PARD3: variants seen among roughly 807,000 people sequenced by gnomAD.
PARD3 encodes par-3 family cell polarity regulator.
In PARD3, 75 loss-of-function variants were observed where a neutral mutation model predicts 155.4. The ratio of observed to expected loss-of-function variants is 0.48; its 90% CI spans 0.40 to 0.58. The LOEUF (loss-of-function observed/expected upper bound fraction) is 0.58. Among genes scored for constraint, PARD3 ranks in the 20% least tolerant of loss-of-function variants. The pLI is 0.00. For missense variants in PARD3, 1,642 were observed against 1,721.7 expected (o/e 0.95, Z 0.82); for synonymous variants, 576 against 610.5 (o/e 0.94, Z 0.83).
chr10:34,720,305 G>A (rs760537276), intron 1 of PARD3, among the ~76,000 whole-genome samples: 2 of 151,946 alleles, frequency 1.3e-5, no homozygotes, highest in African/African-American at 4.8e-5. Context: ...TGTGGTGGTG[G>A]GTGCCTGTAA....
intron 1 of PARD3, among the ~76,000 whole-genome samples, chr10:34,797,494 T>C (rs1842400422): frequency 6.6e-6 from 1 of 152,206 alleles, no homozygotes; most frequent in South Asian, 2.1e-4. Context: ...CCTTACCTAC[T>C]TTGTGAAAGT....
chr10:34,246,617 C>A (rs1953964906), intron 22 of PARD3, among the ~76,000 whole-genome samples: 2 of 151,786 alleles, frequency 1.3e-5, no homozygotes, highest in Admixed American at 1.3e-4. Flanking sequence ...CTTTGATTCC[C>A]ACCCTGGGCA....
At chr10:34,311,144 C>T (rs1227136217) in intron 20 of PARD3, among the ~76,000 whole-genome samples, 3 of 152,114 alleles carry the variant, frequency 2.0e-5, no homozygotes, top group Non-Finnish European at 2.9e-5. Flanking sequence ...TGGGCGGGGG[C>T]GAGGGTAGAA....
intron 18 of PARD3, among the ~76,000 whole-genome samples, chr10:34,334,557 A>G (rs780149934): frequency 4.6e-5 from 7 of 151,906 alleles, no homozygotes; most frequent in South Asian, 4.1e-4. Context: ...CGAAAGAAAA[A>G]TAAGTGAAAA....
At chr10:34,468,115 A>G (rs2133050662) in intron 4 of PARD3, among the ~76,000 whole-genome samples, 1 of 152,220 alleles carries the variant, frequency 6.6e-6, no homozygotes, top group Non-Finnish European at 1.5e-5. Context: ...GGAGGAGTTC[A>G]GGCCCCTGGA....
chr10:34,601,156 C>T (rs1170558210), intron 2 of PARD3, among the ~76,000 whole-genome samples: 1 of 151,236 alleles, frequency 6.6e-6, no homozygotes, highest in Non-Finnish European at 1.5e-5. Context: ...CACAGCGGCT[C>T]ACCCTTGTAA....
At chr10:34,552,037 G>A (rs2084621152) in intron 2 of PARD3, among the ~76,000 whole-genome samples, 1 of 152,172 alleles carries the variant, frequency 6.6e-6, no homozygotes, top group African/African-American at 2.4e-5. Context: ...TGTGTTTTAG[G>A]CAGTAGCATC....
chr10:34,636,723 A>T (rs1384500137), intron 2 of PARD3, among the ~76,000 whole-genome samples: 3 of 152,172 alleles, frequency 2.0e-5, no homozygotes, highest in Non-Finnish European at 4.4e-5. Context: ...GCTCTAGGGG[A>T]GGATTCATGC....
intron 14 of PARD3, among the ~76,000 whole-genome samples, chr10:34,348,936 T>C (rs1837713502): frequency 6.6e-6 from 1 of 152,230 alleles, no homozygotes; most frequent in Non-Finnish European, 1.5e-5. Flanking sequence ...AGTCATATTT[T>C]ACATAAAAAT....
At chr10:34,115,954 C>T (rs898294305) in intron 24 of PARD3, among the ~76,000 whole-genome samples, 5 of 152,236 alleles carry the variant, frequency 3.3e-5, no homozygotes, top group Admixed American at 2.6e-4. Context: ...CCTTGTGATC[C>T]GCCTGCCTCG....
At chr10:34,580,443 G>C (rs187994320) in intron 2 of PARD3, among the ~76,000 whole-genome samples, 12 of 152,330 alleles carry the variant, frequency 7.9e-5, no homozygotes, top group South Asian at 2.1e-4. Flanking sequence ...GCTGAGGTGG[G>C]AGGGTCACTG....
At chr10:34,552,777 C>A (rs1160972445) in intron 2 of PARD3, among the ~76,000 whole-genome samples, 1 of 151,870 alleles carries the variant, frequency 6.6e-6, no homozygotes, top group African/African-American at 2.4e-5. Flanking sequence ...TGCCTATGAC[C>A]ATGACTAATT....
At chr10:34,636,262 C>A (rs2092470596) in intron 2 of PARD3, among the ~76,000 whole-genome samples, 1 of 152,176 alleles carries the variant, frequency 6.6e-6, no homozygotes, top group Admixed American at 6.5e-5. Context: ...CCCTCCCCTG[C>A]AATCCACGGA....
chr10:34,717,983 G>A (rs2094545494), intron 1 of PARD3, among the ~76,000 whole-genome samples: 1 of 149,486 alleles, frequency 6.7e-6, no homozygotes, highest in Non-Finnish European at 1.5e-5. Context: ...GTAAAGCCCT[G>A]TCTCTACTAA....
chr10:34,382,122 C>T (rs1841927552), intron 9 of PARD3, among the ~76,000 whole-genome samples: 1 of 151,998 alleles, frequency 6.6e-6, no homozygotes, highest in Non-Finnish European at 1.5e-5. Flanking sequence ...ACGTGCACTA[C>T]CTCTAAAGTC....
At chr10:34,650,413 C>T (rs1406446575) in intron 2 of PARD3, among the ~76,000 whole-genome samples, 3 of 152,208 alleles carry the variant, frequency 2.0e-5, no homozygotes, top group Non-Finnish European at 2.9e-5. Flanking sequence ...TTATGCTGCA[C>T]GTGACTGTAT....
At chr10:34,665,856 A>AGAACAGAACG (rs2093446995) in intron 2 of PARD3, among the ~76,000 whole-genome samples, 5 of 133,400 alleles carry the variant, frequency 3.7e-5, no homozygotes, top group Admixed American at 2.2e-4. Flanking sequence ...AGAACAGAAC[A>AGAACAGAACG]GAACAGAACA....
intron 22 of PARD3, among the ~76,000 whole-genome samples, chr10:34,132,825 A>G (rs761307181): frequency 6.6e-6 from 1 of 152,056 alleles, no homozygotes; most frequent in Non-Finnish European, 1.5e-5. Flanking sequence ...CCTATCCTGC[A>G]CCCATATAAA....
chr10:34,290,024 T>A (rs1956599303), intron 20 of PARD3, among the ~76,000 whole-genome samples: 1 of 152,220 alleles, frequency 6.6e-6, no homozygotes, highest in South Asian at 2.1e-4. Flanking sequence ...AACCATCATT[T>A]GGGTTTTCAG....
Sources: allele counts gnomAD v4.1 joint callset (sites outside exome capture counted in the v4.1 genomes callset), GRCh38; gene constraint gnomAD v4.1.1; transcripts MANE v1.5; gene names NCBI Gene and HGNC (gene_info 2026-07-23, HGNC 2026-07-21).